LIMCH1: variants seen among roughly 807,000 people sequenced by gnomAD.
The protein encoded by LIMCH1 is LIM and calponin homology domains-containing protein 1.
A neutral mutation model predicts 176.5 loss-of-function variants in LIMCH1; 113 were observed. The observed-to-expected ratio is 0.64, with a 90% CI of 0.55 to 0.75. The LOEUF is 0.75. Among genes scored for constraint, LIMCH1 ranks in the 30% least tolerant of loss-of-function variants. The pLI is 0.00. For synonymous variants in LIMCH1, 619 were observed against 645.9 expected, an observed-to-expected ratio of 0.96 and a Z score of 0.63; for missense variants, 1,674 against 1,814.9, an observed-to-expected ratio of 0.92 and a Z score of 1.41.
chr4:41,657,594 A>G (rs1462509310), intron 18 of LIMCH1, among the ~76,000 whole-genome samples: 5 of 152,214 alleles, frequency 3.3e-5, no homozygotes, highest in African/African-American at 1.2e-4. Context: ...CAGTGTGTAT[A>G]AAGTATTTTT....
intron 13 of LIMCH1, among the ~76,000 whole-genome samples, chr4:41,636,907 A>G (rs538569771): frequency 2.8e-4 from 43 of 152,340 alleles, no homozygotes; most frequent in African/African-American, 9.9e-4. Context: ...ATTTTGTGAA[A>G]ATGCATTGAA....
intron 1 of LIMCH1, among the ~76,000 whole-genome samples, chr4:41,424,639 T>C (rs1057163748): frequency 6.6e-6 from 1 of 152,190 alleles, no homozygotes; most frequent in African/African-American, 2.4e-5. Flanking sequence ...ATAAAGACAA[T>C]GCAGCTGCAA....
In LIMCH1 at chr4:41,434,566, G is replaced by C. The variant is rs567479654; in HGVS notation, c.97-59970G>C. Among the ~76,000 whole-genome samples, 8 of 152,278 alleles carry C rather than the reference G, an allele frequency of 5.3e-5. No homozygotes were observed. The South Asian group carries it at 1.7e-3, about 32-fold the overall frequency. On this transcript the variant is annotated intron_variant, in intron 1 of 26. Transcript: ENST00000313860. The stretch of plus-strand genomic sequence containing the variant: ...CAGTCTTGCTTTGTCACCCAGGCTG[G>C]AGTGCAGGGGTGTGATCTTGGCTCA...
chr4:41,654,595 A>G (rs766412571), intron 18 of LIMCH1, among the ~76,000 whole-genome samples: 1 of 152,152 alleles, frequency 6.6e-6, no homozygotes, highest in Non-Finnish European at 1.5e-5. Context: ...AAGAACAGGC[A>G]AGATCTTCAT....
At chr4:41,440,555 CAG>C (rs1234104299) in intron 1 of LIMCH1, among the ~76,000 whole-genome samples, 2 of 152,074 alleles carry the variant, frequency 1.3e-5, no homozygotes, top group African/African-American at 4.8e-5. Context: ...TTGTTTGAGA[CAG>C]AGTCTCACTC....
At chr4:41,656,850 AC>A (rs1264285437) in intron 18 of LIMCH1, among the ~76,000 whole-genome samples, 5 of 152,172 alleles carry the variant, frequency 3.3e-5, no homozygotes, top group African/African-American at 1.2e-4. Flanking sequence ...GTCCGAGCTC[AC>A]CAGCAACTCC....
intron 18 of LIMCH1, among the ~76,000 whole-genome samples, chr4:41,658,567 G>C (rs184324990): frequency 2.6e-5 from 4 of 152,090 alleles, no homozygotes; most frequent in Non-Finnish European, 4.4e-5. Flanking sequence ...AGGTCTTTAG[G>C]TCTAAAGGGC....
chr4:41,648,499 C>T (rs2094152758), intron 17 of LIMCH1, among the ~76,000 whole-genome samples: 1 of 152,270 alleles, frequency 6.6e-6, no homozygotes, highest in Admixed American at 6.5e-5. Context: ...GTGGGGGTCC[C>T]CTGCCTCATT....
At chr4:41,570,560 T>A (rs2083405827) in intron 1 of LIMCH1, among the ~76,000 whole-genome samples, 1 of 152,210 alleles carries the variant, frequency 6.6e-6, no homozygotes, top group Non-Finnish European at 1.5e-5. Flanking sequence ...GAAGAATGAA[T>A]CCTGGTTTGG....
intron 14 of LIMCH1, among the ~76,000 whole-genome samples, chr4:41,643,254 T>C (rs1002255856): frequency 6.6e-6 from 1 of 152,162 alleles, no homozygotes; most frequent in Non-Finnish European, 1.5e-5. Flanking sequence ...TGTCTGGCCA[T>C]GGGAGTAACA....
intron 1 of LIMCH1, among the ~76,000 whole-genome samples, chr4:41,467,206 T>C (rs79947370): frequency 1.1e-4 from 16 of 139,506 alleles, no homozygotes; most frequent in African/African-American, 3.5e-4. Flanking sequence ...CACACACACA[T>C]TTTATTTATC....
At chr4:41,566,209 A>T (rs997850274) in intron 1 of LIMCH1, among the ~76,000 whole-genome samples, 7 of 152,314 alleles carry the variant, frequency 4.6e-5, no homozygotes, top group African/African-American at 1.7e-4. Flanking sequence ...AACTTATTCC[A>T]GACTCTTGTT....
intron 1 of LIMCH1, among the ~76,000 whole-genome samples, chr4:41,583,183 G>A (rs1037112742): frequency 1.2e-4 from 18 of 152,158 alleles, no homozygotes; most frequent in African/African-American, 4.3e-4. Context: ...CTAAATGTGG[G>A]AGAAATTGCA....
intron 1 of LIMCH1, among the ~76,000 whole-genome samples, chr4:41,540,764 C>T (rs566059376): frequency 5.9e-5 from 9 of 152,196 alleles, no homozygotes; most frequent in South Asian, 4.1e-4. Flanking sequence ...AAAATGATGA[C>T]GAATTATTGC....
chr4:41,454,853 C>T (rs1287114620), intron 1 of LIMCH1, among the ~76,000 whole-genome samples: 1 of 151,918 alleles, frequency 6.6e-6, no homozygotes, highest in East Asian at 1.9e-4. Flanking sequence ...AGATCGAAAT[C>T]CTGACCTTCT....
intron 21 of LIMCH1, among the ~76,000 whole-genome samples, chr4:41,667,576 G>A (rs1441985450): frequency 6.6e-6 from 1 of 152,140 alleles, no homozygotes; most frequent in Admixed American, 6.5e-5. Flanking sequence ...CTATAAGAAG[G>A]TCTTAAAATG....
At chr4:41,502,155 T>C (rs1012267795) in intron 2 of LIMCH1, among the ~76,000 whole-genome samples, 6 of 151,026 alleles carry the variant, frequency 4.0e-5, no homozygotes, top group Admixed American at 2.7e-4. Flanking sequence ...AGTGAGAAGA[T>C]GTGGTGTTTG....
chr4:41,391,010 A>G (rs924201098), intron 1 of LIMCH1, among the ~76,000 whole-genome samples: 1 of 152,206 alleles, frequency 6.6e-6, no homozygotes, highest in African/African-American at 2.4e-5. Flanking sequence ...GGAGCAATTA[A>G]CAGTGTTTGC....
At chr4:41,637,793 T>G (rs971711224) in intron 13 of LIMCH1, among the ~76,000 whole-genome samples, 2 of 152,242 alleles carry the variant, frequency 1.3e-5, no homozygotes, top group African/African-American at 4.8e-5. Flanking sequence ...GGTATGTGTG[T>G]GTACACTCAT....
Sources: allele counts gnomAD v4.1 joint callset (sites outside exome capture counted in the v4.1 genomes callset), GRCh38; gene constraint gnomAD v4.1.1; transcripts MANE v1.5; gene names NCBI Gene and HGNC (gene_info 2026-07-23, HGNC 2026-07-21).